Variants in PCDHGA6 observed in about 807,000 individuals in gnomAD.
PCDHGA6 encodes the protein protocadherin gamma-A6.
PCDHGA6 carries 41 observed loss-of-function variants against 60.6 expected under a neutral mutation model. That is an observed-to-expected ratio of 0.68 (90% CI 0.53 to 0.88). The LOEUF is 0.88. Among genes scored for constraint, PCDHGA6 ranks in the 40% least tolerant of loss-of-function variants. The pLI is 0.00. For missense variants in PCDHGA6, 1,312 were observed against 1,203.0 expected (o/e 1.09, Z -1.34); for synonymous variants, 594 against 524.4 (o/e 1.13, Z -1.81).
chr5:141,429,389 A>ATTT (rs1561841246), intron 1 of PCDHGA6, among the ~76,000 whole-genome samples: 155 of 147,652 alleles, frequency 1.0e-3, no homozygotes, highest in African/African-American at 3.7e-3. Flanking sequence ...TTTTTTTTTA[A>ATTT]AAAAAATTGA....
At chr5:141,505,121 C>A (rs1194549194) in intron 2 of PCDHGA6, among the ~76,000 whole-genome samples, 1 of 152,168 alleles carries the variant, frequency 6.6e-6, no homozygotes, top group Non-Finnish European at 1.5e-5. Context: ...AAGATCGCGC[C>A]ACTGCACTCC....
In PCDHGA6 at chr5:141,487,605, A is replaced by G. The variant is rs202066746; in HGVS notation, c.2425-7202A>G. Reference sequence around the variant, plus strand: ...AGCTGCCCACCCTCTGATCTTCTCTATGGGCTAGAGGTGAGACCTTTGCAG... The same window carrying G: ...AGCTGCCCACCCTCTGATCTTCTCTGTGGGCTAGAGGTGAGACCTTTGCAG... On this transcript the variant is annotated intron_variant, in intron 1 of 3. Transcript: ENST00000517434. The surrounding 1 kb of genome is among the most constrained non-coding windows in gnomAD (Gnocchi z 5.0). 8.7e-6 allele frequency: 14 copies of G among 1,614,008 alleles called. No individual in the cohort carries two copies. In the South Asian group the frequency reaches 8.8e-5, roughly 10 times the overall value.
At chr5:141,483,240 T>C (rs2099578643) in intron 1 of PCDHGA6, among the ~76,000 whole-genome samples, 2 of 151,742 alleles carry the variant, frequency 1.3e-5, no homozygotes, top group Non-Finnish European at 1.5e-5. Flanking sequence ...TGAACTGATA[T>C]GCATATATCA....
In PCDHGA6 at chr5:141,375,931, T is replaced by G. The variant is rs746995876; in HGVS notation, c.1848T>G (p.Leu616=). The change falls in exon 1 of 4, where the codon CTT becomes CTG. Residue 616 remains leucine, a synonymous_variant. Transcript: ENST00000517434. The stretch of plus-strand genomic sequence containing the variant: ...TGCTCAAGGCCAGCGAGCCAGGACT[T>G]TTCTCAGTGGGCCTGCACACGGGCG... The part of the protein sequence containing the change: ...YRLLKASEPG[L]FSVGLHTGEV... 2.5e-6 allele frequency: 4 copies of G among 1,613,540 alleles called. No individual in the cohort carries two copies. Among genetic ancestry groups the G allele is most frequent in the Non-Finnish European group, 3.4e-6 (4 of 1,179,956 alleles).
At chr5:141,412,815 A>G (rs2095578958) in intron 1 of PCDHGA6, among the ~76,000 whole-genome samples, 1 of 152,328 alleles carries the variant, frequency 6.6e-6, no homozygotes, top group Non-Finnish European at 1.5e-5. Flanking sequence ...AGAAACCTAC[A>G]TATAGTAAAT....
chr5:141,460,556 T>C (rs762545295), intron 1 of PCDHGA6, among the ~76,000 whole-genome samples: 10 of 152,152 alleles, frequency 6.6e-5, no homozygotes, highest in Admixed American at 3.3e-4. Context: ...CAAAAATCAT[T>C]TGGCCATGGA....
chr5:141,494,677 TGCCCCCTCTTA>T, intron 1 of PCDHGA6, 119 bp from the exon 2 acceptor site: 5 of 1,552,906 alleles, frequency 3.2e-6, no homozygotes, highest in Non-Finnish European at 4.4e-6. Flanking sequence ...AGTCCACCCC[TGCCCCCTCTTA>T]GTCCGTTTTC....
At chr5:141,419,116 C>A in intron 1 of PCDHGA6, 2 of 1,613,888 alleles carry the variant, frequency 1.2e-6, no homozygotes. Context: ...CAGAGTACAA[C>A]GTCACCATCG....
chr5:141,471,112 G>A (rs1442344944), intron 1 of PCDHGA6, among the ~76,000 whole-genome samples: 3 of 147,914 alleles, frequency 2.0e-5, no homozygotes, highest in Non-Finnish European at 4.4e-5. Flanking sequence ...GCAGTGGTGC[G>A]ATCTTACCTT....
intron 1 of PCDHGA6, among the ~76,000 whole-genome samples, chr5:141,456,668 T>G (rs2098874996): frequency 1.3e-5 from 2 of 152,254 alleles, no homozygotes; most frequent in Admixed American, 6.5e-5. Context: ...ATGTTTCATT[T>G]AAAAATGCAT....
At chr5:141,405,457 T>TC in intron 1 of PCDHGA6, 3 of 1,256,668 alleles carry the variant, frequency 2.4e-6, no homozygotes, top group South Asian at 1.4e-5. Context: ...TCTTACTCTG[T>TC]TACCCAGGCT....
chr5:141,428,454 C>A, intron 1 of PCDHGA6: 1 of 365,394 alleles, frequency 2.7e-6, no homozygotes, highest in Non-Finnish European at 5.2e-6. Context: ...TTTTTCCCAA[C>A]TACAATGAGG....
chr5:141,377,207 A>C (rs1170353646), intron 1 of PCDHGA6: 1 of 152,122 alleles, frequency 6.6e-6, no homozygotes, highest in Non-Finnish European at 1.5e-5. Context: ...GATTGAGTAC[A>C]TCTCGTTTCT....
intron 1 of PCDHGA6, chr5:141,423,625 A>G (rs375112361): frequency 1.6e-5 from 25 of 1,606,754 alleles, no homozygotes; most frequent in Admixed American, 6.8e-5. Flanking sequence ...AGACTCAGCT[A>G]TCATTTTAGG....
At chr5:141,433,381 A>ATCTG (rs1561869478) in intron 1 of PCDHGA6, among the ~76,000 whole-genome samples, 2 of 151,148 alleles carry the variant, frequency 1.3e-5, no homozygotes, top group Non-Finnish European at 2.9e-5. Flanking sequence ...CTATCTATCT[A>ATCTG]TCTATCTATC....
rs1348847945 is a variant in PCDHGA6, at chr5:141,493,426, C to G, written c.2425-1381C>G. ...TGCCTCTGCTGGGATTTTGCTTCTG[C>G]TGGGATGGGGCAAGGGTGGGGTTCC... On this transcript the variant is annotated intron_variant, in intron 1 of 3. Transcript: ENST00000517434. The surrounding 1 kb of genome is among the most constrained non-coding windows in gnomAD (Gnocchi z 4.3). Among the ~76,000 whole-genome samples, 2 of 152,144 alleles carry G rather than the reference C, an allele frequency of 1.3e-5. No homozygotes were observed. The highest frequency in any genetic ancestry group is 4.8e-5 in the African/African-American group (2 of 41,424).
At chr5:141,455,860 ATTATTTAT>A (rs145569377) in intron 1 of PCDHGA6, among the ~76,000 whole-genome samples, 26,605 of 139,696 alleles carry the variant, frequency 0.19, 2,610 homozygotes, top group Middle Eastern at 0.23. Context: ...AATTTCTTTT[ATTATTTAT>A]TTATTTATTT....
At chr5:141,451,154 TTTTTGGTAGTATA>T (rs2098709149) in intron 1 of PCDHGA6, among the ~76,000 whole-genome samples, 1 of 152,152 alleles carries the variant, frequency 6.6e-6, no homozygotes, top group Non-Finnish European at 1.5e-5. Flanking sequence ...ACTAGACATT[TTTTTGGTAGTATA>T]TTATTTAGCC....
At position 141,431,604 on chromosome 5, in the gene PCDHGA6, G is replaced by A; in HGVS notation, c.2424+55097G>A. On this transcript the variant is annotated intron_variant, in intron 1 of 3. Coordinates refer to ENST00000517434, the MANE Select transcript of PCDHGA6 (RefSeq NM_018919.3). The surrounding 1 kb of genome is among the most constrained non-coding windows in gnomAD (Gnocchi z 4.8). ...AATGCGGAAGTGAGGTATTCCTTCCGGTATGTGGACGACAAGGCGGCCCAA... is the reference window on the plus strand; with the variant it reads ...AATGCGGAAGTGAGGTATTCCTTCCAGTATGTGGACGACAAGGCGGCCCAA... 8 of 1,614,206 alleles carry A rather than the reference G, an allele frequency of 5.0e-6. No individual in the cohort carries two copies. Among genetic ancestry groups the A allele is most frequent in the Non-Finnish European group, 6.8e-6 (8 of 1,180,046 alleles).
Sources: allele counts gnomAD v4.1 joint callset (sites outside exome capture counted in the v4.1 genomes callset), GRCh38; gene constraint gnomAD v4.1.1; non-coding constraint Gnocchi (gnomAD v3.1); transcripts MANE v1.5; gene names NCBI Gene and HGNC (gene_info 2026-07-23, HGNC 2026-07-21).